The following PCDH15 variants were observed in gnomAD, a reference collection of about 807,000 sequenced individuals.
PCDH15 encodes the protein protocadherin-15.
A neutral mutation model predicts 178.5 loss-of-function variants in PCDH15; 129 were observed. That is an observed-to-expected ratio of 0.72 (90% CI 0.63 to 0.84). PCDH15 has a LOEUF of 0.84. Among genes scored for constraint, PCDH15 ranks in the 40% least tolerant of loss-of-function variants. PCDH15 has a pLI of 0.00. For missense variants in PCDH15, 2,230 were observed against 2,099.9 expected, an observed-to-expected ratio of 1.06 and a Z score of -1.21; for synonymous variants, 800 against 732.0, an observed-to-expected ratio of 1.09 and a Z score of -1.50.
chr10:54,400,037 G>A (rs1295733516), intron 3 of PCDH15, among the ~76,000 whole-genome samples: 2 of 152,082 alleles, frequency 1.3e-5, no homozygotes, highest in Admixed American at 6.6e-5. Context: ...AAGGCAGAGA[G>A]AGAGCAAGGT....
intron 1 of PCDH15, among the ~76,000 whole-genome samples, chr10:55,262,460 A>G (rs932785350): frequency 1.3e-5 from 2 of 152,184 alleles, no homozygotes; most frequent in African/African-American, 4.8e-5. Context: ...GCAGAGACAC[A>G]CAGGCGGCTG....
intron 2 of PCDH15, among the ~76,000 whole-genome samples, chr10:55,487,090 C>T (rs1419387878): frequency 5.9e-5 from 9 of 151,488 alleles, no homozygotes; most frequent in African/African-American, 2.2e-4. Context: ...TAAAGACATC[C>T]TGCTTACTGT....
chr10:54,692,576 T>A (rs1214299237), intron 1 of PCDH15, among the ~76,000 whole-genome samples: 1 of 152,142 alleles, frequency 6.6e-6, no homozygotes, highest in Admixed American at 6.6e-5. Flanking sequence ...AGAAAAGAGT[T>A]CACAAATAAA....
intron 3 of PCDH15, among the ~76,000 whole-genome samples, chr10:54,523,321 G>C (rs1374324810): frequency 6.6e-6 from 1 of 152,114 alleles, no homozygotes; most frequent in African/African-American, 2.4e-5. Context: ...TTAACCAAAA[G>C]TAGTGTACTT....
At chr10:54,978,228 A>C (rs1839125437) in intron 2 of PCDH15, among the ~76,000 whole-genome samples, 1 of 152,154 alleles carries the variant, frequency 6.6e-6, no homozygotes, top group East Asian at 1.9e-4. Context: ...GTTTAGCACT[A>C]ACCTCAATTA....
chr10:54,217,027 A>G (rs1022576367), intron 9 of PCDH15, among the ~76,000 whole-genome samples: 4 of 152,198 alleles, frequency 2.6e-5, no homozygotes, highest in African/African-American at 9.6e-5. Flanking sequence ...ATACACATGC[A>G]TATTTACAAA....
chr10:54,766,032 TG>T (rs1948472291), intron 1 of PCDH15, among the ~76,000 whole-genome samples: 1 of 147,794 alleles, frequency 6.8e-6, no homozygotes, highest in South Asian at 2.1e-4. Context: ...TGTAATAAGA[TG>T]TGCAGTGTCT....
intron 3 of PCDH15, among the ~76,000 whole-genome samples, chr10:54,414,586 C>A (rs530985264): frequency 4.4e-4 from 67 of 152,194 alleles, no homozygotes; most frequent in Non-Finnish European, 7.5e-4. Context: ...TTATTTAAAA[C>A]ACAGTTGTCA....
intron 35 of PCDH15, 33 bp from the exon 36 acceptor site, chr10:53,811,652 A>G: frequency 7.1e-7 from 1 of 1,402,444 alleles, no homozygotes; most frequent in Non-Finnish European, 9.7e-7. Context: ...GCATTTGAAA[A>G]CGAATTCTTA....
intron 21 of PCDH15, among the ~76,000 whole-genome samples, chr10:53,962,836 T>C (rs1445935064): frequency 6.6e-6 from 1 of 152,196 alleles, no homozygotes; most frequent in African/African-American, 2.4e-5. Context: ...AGGTTTCAGA[T>C]TGGTTTCCTT....
intron 2 of PCDH15, among the ~76,000 whole-genome samples, chr10:55,039,812 C>G (rs757742500): frequency 3.9e-5 from 6 of 151,996 alleles, no homozygotes; most frequent in Non-Finnish European, 7.4e-5. Context: ...TAAATTACGC[C>G]AATTCCTTAG....
intron 2 of PCDH15, among the ~76,000 whole-genome samples, chr10:55,039,185 C>T (rs1310830752): frequency 2.6e-5 from 4 of 151,688 alleles, no homozygotes; most frequent in African/African-American, 7.3e-5. Context: ...ACATGTAAAT[C>T]TCTCCCAGAA....
chr10:55,437,774 A>T (rs1282445378), intron 2 of PCDH15, among the ~76,000 whole-genome samples: 1 of 152,100 alleles, frequency 6.6e-6, no homozygotes, highest in East Asian at 1.9e-4. Context: ...AAGCATCCTT[A>T]AAAAGTACCA....
At chr10:55,047,188 T>C (rs1042744709) in intron 2 of PCDH15, among the ~76,000 whole-genome samples, 4 of 151,928 alleles carry the variant, frequency 2.6e-5, no homozygotes, top group African/African-American at 9.7e-5. Flanking sequence ...ATTATTAGTA[T>C]GGTTGAAATA....
chr10:54,126,072 A>ATTT (rs5785039), intron 15 of PCDH15, among the ~76,000 whole-genome samples: 48 of 139,174 alleles, frequency 3.4e-4, no homozygotes, highest in Middle Eastern at 3.8e-3. Flanking sequence ...AAGAATTACC[A>ATTT]TTTTTTTTTT....
At chr10:55,506,500 G>T (rs1301855430) in intron 2 of PCDH15, among the ~76,000 whole-genome samples, 2 of 151,620 alleles carry the variant, frequency 1.3e-5, no homozygotes, top group Admixed American at 1.3e-4. Context: ...AGCTACATAA[G>T]AAAGTGTATT....
At chr10:55,106,765 A>G (rs1006012352) in intron 2 of PCDH15, among the ~76,000 whole-genome samples, 3 of 152,192 alleles carry the variant, frequency 2.0e-5, no homozygotes, top group African/African-American at 7.2e-5. Flanking sequence ...CAACAAAAAA[A>G]GGGGAACATC....
intron 1 of PCDH15, among the ~76,000 whole-genome samples, chr10:54,708,362 T>C (rs1425971861): frequency 2.0e-5 from 3 of 152,120 alleles, no homozygotes; most frequent in African/African-American, 4.8e-5. Context: ...TCAAGTAAAA[T>C]AGACTAACCC....
chr10:54,573,357 A>AT (rs1233053588), intron 2 of PCDH15, among the ~76,000 whole-genome samples: 1 of 152,178 alleles, frequency 6.6e-6, no homozygotes, highest in Non-Finnish European at 1.5e-5. Context: ...ACAATAAGGT[A>AT]TTTTTAAATT....
Sources: gnomAD v4.1 joint callset for allele counts (sites outside exome capture counted in the v4.1 genomes callset) on GRCh38, gnomAD v4.1.1 for gene constraint, MANE v1.5 for transcripts, NCBI Gene and HGNC (gene_info 2026-07-23, HGNC 2026-07-21) for gene names.